Variants in CREB5 observed in about 807,000 individuals in gnomAD.
CREB5 encodes the protein cyclic AMP-responsive element-binding protein 5.
CREB5 carries 19 observed loss-of-function variants against 57.1 expected under a neutral mutation model. The observed-to-expected ratio is 0.33, with a 90% CI of 0.23 to 0.49. The LOEUF (loss-of-function observed/expected upper bound fraction) is 0.49, where lower values mean the gene tolerates loss of function less well. CREB5 is among the 20% of genes least tolerant of loss of function. The probability of loss-of-function intolerance (pLI) is 0.99; values close to 1 mark genes in which losing one functional copy is unlikely to be tolerated. For missense variants in CREB5, 579 were observed against 671.6 expected, an observed-to-expected ratio of 0.86 and a Z score of 1.52; for synonymous variants, 238 against 238.3, an observed-to-expected ratio of 1.00 and a Z score of 0.01.
At chr7:28,322,574 G>A (rs1472456585) in intron 1 of CREB5, among the ~76,000 whole-genome samples, 1 of 151,668 alleles carries the variant, frequency 6.6e-6, no homozygotes, top group Non-Finnish European at 1.5e-5. Context: ...TTAGGTATTT[G>A]TCCTAATGCC....
At chr7:28,746,625 T>C (rs1241047045) in intron 7 of CREB5, among the ~76,000 whole-genome samples, 1 of 152,232 alleles carries the variant, frequency 6.6e-6, no homozygotes, top group African/African-American at 2.4e-5. Flanking sequence ...AGCTGATAAT[T>C]AACTTTAGCA....
At chr7:28,589,009 T>A (rs1796398111) in intron 5 of CREB5, among the ~76,000 whole-genome samples, 1 of 152,182 alleles carries the variant, frequency 6.6e-6, no homozygotes, top group South Asian at 2.1e-4. Flanking sequence ...ACGAGCAGCT[T>A]AGAAATGTAA....
chr7:28,755,364 G>A lies in CREB5; in HGVS notation c.702+31032G>A, dbSNP rs191379481. On this transcript the variant is annotated intron_variant, in intron 7 of 10. Coordinates refer to ENST00000357727, the MANE Select transcript of CREB5 (RefSeq NM_182898.4). Reference sequence around the variant, plus strand: ...ATACAAACTCTGGACTAGCTCAGTCGACTGACAGATGACCACCTCTCCCTG... The same window carrying A: ...ATACAAACTCTGGACTAGCTCAGTCAACTGACAGATGACCACCTCTCCCTG... Among the ~76,000 whole-genome samples the A allele has an allele frequency of 4.9e-3, 746 of 152,290 alleles. 6 individuals carry two copies. The highest frequency in any genetic ancestry group is 6.2e-3 in the Non-Finnish European group (421 of 68,026).
chr7:28,630,959 C>G (rs1373963058), intron 5 of CREB5, among the ~76,000 whole-genome samples: 2 of 152,086 alleles, frequency 1.3e-5, no homozygotes, highest in East Asian at 3.9e-4. Flanking sequence ...TATGAGGAAA[C>G]CAGGCAGAAA....
chr7:28,516,917 C>G (rs1397248865), intron 4 of CREB5, among the ~76,000 whole-genome samples: 1 of 152,182 alleles, frequency 6.6e-6, no homozygotes, highest in Non-Finnish European at 1.5e-5. Flanking sequence ...ACGTGCCAGA[C>G]AGGCACACAG....
intron 4 of CREB5, among the ~76,000 whole-genome samples, chr7:28,522,390 G>GTTTTT (rs11291433): frequency 1.1e-4 from 11 of 97,604 alleles, no homozygotes; most frequent in African/African-American, 1.8e-4. Context: ...CCTGCTCTTT[G>GTTTTT]TTTTTTTTTT....
chr7:28,315,387 C>T lies in CREB5; in HGVS notation c.-25+15946C>T, dbSNP rs142461245. Reference sequence around the variant, plus strand: ...GATGACTCTGTTTGCAGCAGTTGTCCGAAGCTGAGGTTGCCTTCTGTTAGC... The same window carrying T: ...GATGACTCTGTTTGCAGCAGTTGTCTGAAGCTGAGGTTGCCTTCTGTTAGC... On this transcript the variant is annotated intron_variant, in intron 1 of 9. Coordinates refer to the CREB5 transcript ENST00000396299. Among the ~76,000 whole-genome samples the T allele has an allele frequency of 2.6e-4, 40 of 152,246 alleles. No homozygotes were observed. The East Asian group carries it at 6.0e-3, about 23-fold the overall frequency.
chr7:28,402,887 A>T (rs1787502094), intron 1 of CREB5, among the ~76,000 whole-genome samples: 1 of 152,224 alleles, frequency 6.6e-6, no homozygotes, highest in South Asian at 2.1e-4. Context: ...GTGTATAGGC[A>T]ATCTACAGCA....
intron 5 of CREB5, among the ~76,000 whole-genome samples, chr7:28,630,423 C>T (rs995732156): frequency 2.0e-5 from 3 of 152,174 alleles, no homozygotes; most frequent in African/African-American, 7.2e-5. Context: ...ACATCTCAGT[C>T]TAGTCTGTTT....
intron 1 of CREB5, among the ~76,000 whole-genome samples, chr7:28,357,892 G>A (rs56157155): frequency 0.026 from 3,916 of 152,236 alleles, 104 homozygotes; most frequent in Admixed American, 0.058. Flanking sequence ...AAAGGAAAGG[G>A]TATTTTGGGG....
At chr7:28,566,074 T>C (rs1274816215) in intron 4 of CREB5, among the ~76,000 whole-genome samples, 7 of 152,254 alleles carry the variant, frequency 4.6e-5, no homozygotes, top group Admixed American at 3.9e-4. Flanking sequence ...ATATTTTGGA[T>C]GCCTTTATTC....
At chr7:28,453,461 C>T (rs1420328036) in intron 1 of CREB5, among the ~76,000 whole-genome samples, 1 of 152,108 alleles carries the variant, frequency 6.6e-6, no homozygotes, top group Non-Finnish European at 1.5e-5. Flanking sequence ...ACAACAAAAC[C>T]CACACAGAGA....
intron 1 of CREB5, among the ~76,000 whole-genome samples, chr7:28,330,135 A>G (rs143349456): frequency 9.3e-4 from 141 of 152,344 alleles, no homozygotes; most frequent in African/African-American, 3.2e-3. Flanking sequence ...ATCATTGTGC[A>G]AAACTGAAAA....
intron 1 of CREB5, among the ~76,000 whole-genome samples, chr7:28,400,068 C>T (rs1273085426): frequency 7.4e-6 from 1 of 135,140 alleles, no homozygotes; most frequent in African/African-American, 3.7e-5. Flanking sequence ...GAAACAGATA[C>T]ACACACACAC....
Position 28,363,255 on chromosome 7 carries a change from C to T in CREB5, c.-25+63814C>T, listed in dbSNP as rs532852406. Among the ~76,000 whole-genome samples, 77 of 152,234 alleles carry T rather than the reference C, an allele frequency of 5.1e-4. No individual in the cohort carries two copies. The South Asian group carries it at 0.016, about 31-fold the overall frequency. The stretch of plus-strand genomic sequence containing the variant: ...CCTGTCTTTCCCTAACATGGCAACA[C>T]GAAGCAGGTGTTCTTGGTCCTGACC... On this transcript the variant is annotated intron_variant, in intron 1 of 9. Coordinates refer to the CREB5 transcript ENST00000396299.
chr7:28,532,406 T>C (rs1793768724), intron 4 of CREB5, among the ~76,000 whole-genome samples: 1 of 152,194 alleles, frequency 6.6e-6, no homozygotes, highest in Non-Finnish European at 1.5e-5. Context: ...CCACGAAATT[T>C]TGTGGTAATT....
intron 7 of CREB5, among the ~76,000 whole-genome samples, chr7:28,781,354 T>C (rs1000900118): frequency 1.1e-4 from 16 of 152,218 alleles, no homozygotes; most frequent in Non-Finnish European, 1.5e-5. Flanking sequence ...AAGGCTTCCA[T>C]GGAGAAATTA....
At chr7:28,677,137 A>G (rs1029400531) in intron 5 of CREB5, among the ~76,000 whole-genome samples, 1 of 152,246 alleles carries the variant, frequency 6.6e-6, no homozygotes, top group African/African-American at 2.4e-5. Flanking sequence ...CAGCTCCTTT[A>G]GAGCATGGAC....
intron 7 of CREB5, among the ~76,000 whole-genome samples, chr7:28,726,943 A>G (rs10486589): frequency 0.15 from 22,094 of 152,018 alleles, 1,764 homozygotes; most frequent in Middle Eastern, 0.18. Context: ...ATTGCTTTAA[A>G]TGCACAATTT....
Sources: gnomAD v4.1 joint callset for allele counts (sites outside exome capture counted in the v4.1 genomes callset) on GRCh38, gnomAD v4.1.1 for gene constraint, MANE v1.5 for transcripts, NCBI Gene and HGNC (gene_info 2026-07-23, HGNC 2026-07-21) for gene names.